The following COL3A1 variants were observed in gnomAD, a reference collection of about 807,000 sequenced individuals.
COL3A1 encodes collagen type III alpha 1 chain.
COL3A1 carries 46 observed loss-of-function variants against 200.9 expected under a neutral mutation model. The observed-to-expected ratio is 0.23, with a 90% CI of 0.18 to 0.29. COL3A1 has a LOEUF of 0.29. COL3A1 is among the 10% of genes least tolerant of loss of function. COL3A1 has a pLI of 1.00. For missense variants in COL3A1, 1,367 were observed against 1,917.6 expected (o/e 0.71, Z 5.36); for synonymous variants, 650 against 628.0 (o/e 1.03, Z -0.52).
At chr2:188,991,237 C>T (rs1436754804) in intron 11 of COL3A1, among the ~76,000 whole-genome samples, 180 bp downstream of exon 11, 1 of 152,066 alleles carries the variant, frequency 6.6e-6, no homozygotes, top group Non-Finnish European at 1.5e-5. Context: ...AAAATGACAA[C>T]TTGAAGAGTC....
intron 1 of COL3A1, among the ~76,000 whole-genome samples, chr2:188,977,462 C>G (rs1338737921): frequency 6.6e-6 from 1 of 151,970 alleles, no homozygotes; most frequent in Non-Finnish European, 1.5e-5. Context: ...GTAACTTGCT[C>G]AGGTAACATT....
intron 16 of COL3A1, 101 bp from the exon 17 acceptor site, chr2:188,993,935 AGC>A: frequency 9.2e-7 from 1 of 1,084,676 alleles, no homozygotes; most frequent in Non-Finnish European, 1.4e-6. Flanking sequence ...ATCTCTACAA[AGC>A]ATAACACTCA....
chr2:188,994,032 A>G lies in COL3A1; in HGVS notation c.1150-6A>G, dbSNP rs781514165. The stretch of plus-strand genomic sequence containing the variant: ...TTAATACATTATCTGTTTTTTGTAT[A>G]CTTAGGGCCCTCCTGGGATTAATGG... On this transcript the variant is annotated splice_region_variant and splice_polypyrimidine_tract_variant and intron_variant, in intron 16 of 50. Transcript: ENST00000304636. The surrounding 1 kb of genome is among the most constrained non-coding windows in gnomAD (Gnocchi z 4.5). The G allele has an allele frequency of 1.2e-6, 2 of 1,613,688 alleles. No homozygotes were observed. Among genetic ancestry groups the G allele is most frequent in the East Asian group, 4.5e-5 (2 of 44,882 alleles).
In COL3A1 at chr2:189,008,930, C is replaced by G. The variant is rs759565407; in HGVS notation, c.3532C>G (p.Pro1178Ala). The change falls in exon 48 of 51, where the codon CCA becomes GCA. Residue 1178 changes from proline to alanine, a missense_variant. Transcript: ENST00000304636. ...CATGTTTTACTCATTCTAGGGCTCC[C>G]CAGGCCACCCAGGGCAACCAGGCCC... ...NRGERGSEGS[P>A]GHPGQPGPPG... 1.9e-6 allele frequency: 3 copies of G among 1,613,850 alleles called. No homozygotes were observed. Among genetic ancestry groups the G allele is most frequent in the East Asian group, 4.5e-5 (2 of 44,876 alleles).
intron 32 of COL3A1, among the ~76,000 whole-genome samples, chr2:189,000,122 G>A (rs962728984): frequency 4.6e-5 from 7 of 152,242 alleles, no homozygotes; most frequent in Admixed American, 1.3e-4. Flanking sequence ...TACGATAAAG[G>A]TCACAAACTA....
In COL3A1 at chr2:188,978,334, T is replaced by C. The variant is rs1440945710; in HGVS notation, c.79+3766T>C. The stretch of plus-strand genomic sequence containing the variant: ...CAGGCTTCTTTTTAAAAATCAAGAA[T>C]GATTGGCTGTGAGTTTACCAGGATT... On this transcript the variant is annotated intron_variant, in intron 1 of 50. Coordinates refer to ENST00000304636, the MANE Select transcript of COL3A1 (RefSeq NM_000090.4). Among the ~76,000 whole-genome samples, 14 of 152,120 alleles carry C rather than the reference T, an allele frequency of 9.2e-5. 1 individual carries two copies. In the South Asian group the frequency reaches 2.9e-3, roughly 32 times the overall value.
chr2:189,008,244 C>A, intron 47 of COL3A1, 102 bp downstream of exon 47: 1 of 949,990 alleles, frequency 1.1e-6, no homozygotes, highest in Non-Finnish European at 1.7e-6. Flanking sequence ...AGACGCAATG[C>A]ATCCACTCAA....
At chr2:188,990,925 A>G in intron 10 of COL3A1, 79 bp from the exon 11 acceptor site, 1 of 1,459,540 alleles carries the variant, frequency 6.9e-7, no homozygotes, top group Middle Eastern at 1.9e-4. Context: ...CCAATTAGAA[A>G]AATACCATGT....
intron 1 of COL3A1, among the ~76,000 whole-genome samples, chr2:188,982,178 C>T (rs975525698): frequency 6.6e-6 from 1 of 151,388 alleles, no homozygotes; most frequent in Non-Finnish European, 1.5e-5. Context: ...TAAAATTGCA[C>T]TAAAATAATC....
chr2:188,995,054 T>A lies in COL3A1; in HGVS notation c.1464T>A (p.Pro488=), dbSNP rs377706172. ...TCTTTCATTATTTTCAGGGTGCCCC[T>A]GGGTTCCGAGGACCTGCTGGACCAA... ...LPGAAGERGA[P]GFRGPAGPNG... The change falls in exon 21 of 51, where the codon CCT becomes CCA. Residue 488 remains proline (P), a synonymous_variant. Coordinates refer to ENST00000304636, the MANE Select transcript of COL3A1 (RefSeq NM_000090.4). 6.2e-7 allele frequency: 1 copy of A among 1,614,224 alleles called. No homozygotes were observed. The highest frequency in any genetic ancestry group is 1.7e-5 in the Admixed American group (1 of 60,030).
At chr2:188,981,366 A>G (rs1687948982) in intron 1 of COL3A1, among the ~76,000 whole-genome samples, 1 of 151,470 alleles carries the variant, frequency 6.6e-6, no homozygotes, top group Admixed American at 6.6e-5. Context: ...TCACAAGTAA[A>G]TTTCTTTCAG....
intron 47 of COL3A1, 123 bp from the exon 48 acceptor site, chr2:189,008,801 T>C: frequency 9.0e-7 from 1 of 1,113,978 alleles, no homozygotes; most frequent in Non-Finnish European, 1.3e-6. Context: ...AAATCTTTAG[T>C]AAAATAATTC....
rs763816941 is a variant in COL3A1 at position 189,003,735 on chromosome 2, G to T, written c.2609G>T (p.Gly870Val). 6.2e-7 allele frequency: 1 copy of T among 1,613,882 alleles called. No individual in the cohort carries two copies. The highest frequency in any genetic ancestry group is 1.3e-5 in the African/African-American group (1 of 74,866). ...CAAAAATATATTACCATTTCACAGG[G>T]TGCTGCTGGCTTCCCTGGTGCTCGT... ...KGERGSPGGP[G>V]AAGFPGARGL... is the part of the protein sequence containing the mutation. The change falls in exon 38 of 51, where the codon GGT (glycine) becomes GTT (valine). Residue 870 changes from glycine to valine, a missense_variant and splice_region_variant. Gly to Val is a moderately radical substitution (Grantham distance 109). Around this residue, in one of 5 missense-constraint regions of COL3A1, gnomAD observed 846 missense variants for 1,147.9 expected, o/e 0.74. Transcript: ENST00000304636.
At position 189,010,738 on chromosome 2, in the gene COL3A1, A is replaced by G. The variant is rs2153504325; in HGVS notation, c.4102A>G (p.Ile1368Val). 6.2e-7 allele frequency: 1 copy of G among 1,614,172 alleles called. No individual in the cohort carries two copies. Among genetic ancestry groups the G allele is most frequent in the Non-Finnish European group, 8.5e-7 (1 of 1,180,016 alleles). The part of the protein sequence containing the change: ...RLLSSRASQN[I>V]TYHCKNSIAY... Reference sequence around the variant, plus strand: ...TCTCTCCAGCCGAGCTTCCCAGAACATCACATATCACTGCAAAAATAGCAT... The same window carrying G: ...TCTCTCCAGCCGAGCTTCCCAGAACGTCACATATCACTGCAAAAATAGCAT... The change falls in exon 50 of 51, where the codon ATC (isoleucine) becomes GTC (valine). Residue 1368 changes from isoleucine to valine, a missense_variant. Ile to Val is a conservative substitution (Grantham distance 29). Around this residue, in one of 5 missense-constraint regions of COL3A1, gnomAD observed 846 missense variants for 1,147.9 expected, o/e 0.74. Coordinates refer to ENST00000304636, the MANE Select transcript of COL3A1 (RefSeq NM_000090.4).
Position 188,999,307 on chromosome 2 carries a change from A to T in COL3A1, c.2045A>T (p.Glu682Val). 6.3e-7 allele frequency: 1 copy of T among 1,583,456 alleles called. No homozygotes were observed. Among genetic ancestry groups the T allele is most frequent in the Non-Finnish European group, 8.6e-7 (1 of 1,163,780 alleles). Residue 682 changes from glutamate to valine, a missense_variant, in exon 30 of 51, where the codon GAA becomes GTA. Physicochemically the swap from Glu to Val is moderately radical, Grantham distance 121 (BLOSUM62 -2). Around this residue, in one of 5 missense-constraint regions of COL3A1, gnomAD observed 846 missense variants for 1,147.9 expected, o/e 0.74. Transcript: ENST00000304636. Reference protein sequence around the residue: ...GGKGDAGAPGERGPPGLAGAP... With the variant: ...GGKGDAGAPGVRGPPGLAGAP... ...CAGGGTGATGCTGGTGCCCCTGGTG[A>T]ACGTGGACCTCCTGGATTGGCAGGG...
rs1181220311 is a variant in COL3A1, at chr2:189,006,334, T to A, written c.3094-11T>A. The A allele has an allele frequency of 6.2e-7, 1 of 1,614,024 alleles. No individual in the cohort carries two copies. Among genetic ancestry groups the A allele is most frequent in the East Asian group, 2.2e-5 (1 of 44,872 alleles). On this transcript the variant is annotated splice_polypyrimidine_tract_variant and intron_variant, in intron 42 of 50. Transcript: ENST00000304636. ...ATCATGTTTATTTTGTACCTATGAA[T>A]TTGTTCACAGGGTGATCGTGGTGAA...
Position 188,989,428 on chromosome 2 carries a change from A to T in COL3A1, c.669A>T (p.Pro223=), listed in dbSNP as rs1034042392. The change falls in exon 8 of 51, where the codon CCA becomes CCT. Residue 223 remains proline, a synonymous_variant. Transcript: ENST00000304636. ...CAGGACCTCCTGGTGCTATAGGTCC[A>T]TCTGGTCCTGCTGGAAAAGATGTAA... ...GPPGPPGAIG[P]SGPAGKDGES... is the part of the protein sequence containing the mutation. 2 of 1,607,606 alleles carry T rather than the reference A, an allele frequency of 1.2e-6. No individual in the cohort carries two copies. The highest frequency in any genetic ancestry group is 2.7e-5 in the African/African-American group (2 of 74,666).
chr2:188,996,260 G>A, intron 23 of COL3A1, 82 bp downstream of exon 23: 1 of 994,884 alleles, frequency 1.0e-6, no homozygotes, highest in Non-Finnish European at 1.5e-6. Flanking sequence ...GTGTGTGTGT[G>A]TGTGTGTGTG....
rs1158950861 is a variant in COL3A1, at chr2:189,012,708, C to T, written c.*934C>T. 5.9e-5 allele frequency: 9 copies of T among 152,106 alleles called. No individual in the cohort carries two copies. Among genetic ancestry groups the T allele is most frequent in the Admixed American group, 5.9e-4 (9 of 15,242 alleles). The allele number at this position is 152,106 out of a possible 1,614,324, so 9.4% of individuals were successfully genotyped here. ...GTATGTGGTTGTTGATCTTTTTTTT[C>T]CTTACAGACACCCATAATAAAATAT... On this transcript the variant is annotated 3_prime_UTR_variant, in exon 51 of 51. Transcript: ENST00000304636.
Sources: allele counts gnomAD v4.1 joint callset (sites outside exome capture counted in the v4.1 genomes callset), GRCh38; gene constraint gnomAD v4.1.1; regional missense constraint gnomAD v4.1.1; non-coding constraint Gnocchi (gnomAD v3.1); transcripts MANE v1.5; gene names NCBI Gene and HGNC (gene_info 2026-07-23, HGNC 2026-07-21).